GRIP1: variants seen among roughly 807,000 people sequenced by gnomAD.
GRIP1 encodes glutamate receptor interacting protein 1, also known as glutamate receptor-interacting protein 1.
In GRIP1, 45 loss-of-function variants were observed where a neutral mutation model predicts 129.9. The ratio of observed to expected loss-of-function variants is 0.35; its 90% confidence interval spans 0.27 to 0.44. The LOEUF is 0.44. Ranked by LOEUF, GRIP1 falls within the 20% of genes least tolerant of loss-of-function variation. The pLI, the probability that GRIP1 is intolerant of heterozygous loss-of-function variation, is 1.00. For missense variants in GRIP1, 1,196 were observed against 1,396.8 expected (o/e 0.86, Z 2.29); for synonymous variants, 530 against 520.8 (o/e 1.02, Z -0.24).
intron 1 of GRIP1, among the ~76,000 whole-genome samples, chr12:66,865,811 A>G (rs985247702): frequency 2.0e-5 from 3 of 152,234 alleles, no homozygotes; most frequent in African/African-American, 7.2e-5. Context: ...TTTTCTTCCT[A>G]TATTTTTAGA....
chr12:66,668,255 T>C (rs1054486963), intron 1 of GRIP1, among the ~76,000 whole-genome samples: 2 of 152,214 alleles, frequency 1.3e-5, no homozygotes, highest in African/African-American at 4.8e-5. Flanking sequence ...TTTCTGAGTC[T>C]TCATAGCCTG....
At chr12:67,057,542 T>C (rs749136116) in intron 1 of GRIP1, among the ~76,000 whole-genome samples, 4 of 152,018 alleles carry the variant, frequency 2.6e-5, no homozygotes, top group Admixed American at 6.6e-5. Context: ...AGTATGATCA[T>C]TAGGGTCTGG....
chr12:66,899,400 G>C (rs1438918122), intron 1 of GRIP1, among the ~76,000 whole-genome samples: 2 of 151,820 alleles, frequency 1.3e-5, no homozygotes, highest in African/African-American at 2.4e-5. Flanking sequence ...GTCCTGCTCT[G>C]TCACCCAGGC....
chr12:66,816,742 T>A (rs1406678554), intron 1 of GRIP1, among the ~76,000 whole-genome samples: 1 of 152,046 alleles, frequency 6.6e-6, no homozygotes, highest in Non-Finnish European at 1.5e-5. Context: ...TCAATGAAAA[T>A]TTTCTGAATG....
chr12:66,927,258 G>T (rs2137387320), intron 1 of GRIP1, among the ~76,000 whole-genome samples: 1 of 152,110 alleles, frequency 6.6e-6, no homozygotes, highest in East Asian at 1.9e-4. Context: ...AATCATTAAT[G>T]ATTTTGGCTC....
At chr12:67,000,498 T>C (rs1453662107) in intron 1 of GRIP1, among the ~76,000 whole-genome samples, 8 of 152,234 alleles carry the variant, frequency 5.3e-5, no homozygotes, top group Non-Finnish European at 1.2e-4. Context: ...GCCATCCCTT[T>C]GGAGAGCTTT....
At chr12:66,472,059 C>A (rs2059453841) in intron 7 of GRIP1, among the ~76,000 whole-genome samples, 1 of 152,292 alleles carries the variant, frequency 6.6e-6, no homozygotes, top group East Asian at 1.9e-4. Flanking sequence ...TGACTAGGAC[C>A]AGATCCATAT....
Position 66,678,855 on chromosome 12 carries a change from G to A in GRIP1, c.50C>T (p.Thr17Ile). ...KCRCQILRRL[T>I]KDESPYTKSA... The stretch of plus-strand genomic sequence containing the variant: ...TAACAAGGAAAGCACGATACCTTTA[G>A]TAAGTCGCCTCAGAATTTGACAACG... Residue 17 changes from threonine (T) to isoleucine (I), a missense_variant, in exon 1 of 25, where the codon ACT becomes ATT. Transcript: ENST00000359742. The A allele has an allele frequency of 1.2e-6, 2 of 1,613,220 alleles. No homozygotes were observed. Among genetic ancestry groups the A allele is most frequent in the Non-Finnish European group, 1.7e-6 (2 of 1,179,350 alleles).
intron 1 of GRIP1, among the ~76,000 whole-genome samples, chr12:66,600,445 A>T (rs1448906354): frequency 2.6e-5 from 4 of 152,256 alleles, no homozygotes; most frequent in Non-Finnish European, 5.9e-5. Context: ...TTGCTGATAA[A>T]ATATGTGAAT....
At chr12:67,041,655 T>A (rs868027291) in intron 1 of GRIP1, among the ~76,000 whole-genome samples, 1 of 152,214 alleles carries the variant, frequency 6.6e-6, no homozygotes, top group South Asian at 2.1e-4. Flanking sequence ...GACAAGTATG[T>A]CTTGGTATCA....
chr12:66,386,628 C>T (rs775180257), intron 19 of GRIP1, among the ~76,000 whole-genome samples: 14 of 151,656 alleles, frequency 9.2e-5, no homozygotes, highest in Admixed American at 2.6e-4. Flanking sequence ...AGCGAGCCTC[C>T]GTCTCAAAAA....
At chr12:66,902,109 T>C (rs952145738) in intron 1 of GRIP1, among the ~76,000 whole-genome samples, 1 of 152,128 alleles carries the variant, frequency 6.6e-6, no homozygotes, top group Non-Finnish European at 1.5e-5. Context: ...ACTGGGGAAC[T>C]AGTTCTTTAC....
At chr12:66,377,313 A>G in intron 20 of GRIP1, 28 bp from the exon 21 acceptor site, 1 of 1,389,242 alleles carries the variant, frequency 7.2e-7, no homozygotes, top group Non-Finnish European at 1.0e-6. Context: ...AGGCTGGGTT[A>G]GGAACTTGCC....
chr12:66,501,032 C>T (rs939063751), intron 7 of GRIP1, among the ~76,000 whole-genome samples: 7 of 152,292 alleles, frequency 4.6e-5, no homozygotes, highest in Admixed American at 6.5e-5. Flanking sequence ...GTTTCTATCA[C>T]GGTTGTGAAA....
intron 1 of GRIP1, among the ~76,000 whole-genome samples, chr12:67,004,334 C>T (rs990557613): frequency 2.0e-5 from 3 of 152,104 alleles, no homozygotes; most frequent in Admixed American, 6.6e-5. Context: ...ACATTTTTAC[C>T]GGACAGGCCC....
At chr12:66,496,495 T>C (rs1402048737) in intron 7 of GRIP1, among the ~76,000 whole-genome samples, 1 of 152,176 alleles carries the variant, frequency 6.6e-6, no homozygotes, top group East Asian at 1.9e-4. Context: ...ACAGGCCACT[T>C]TGTAGACTGA....
intron 1 of GRIP1, among the ~76,000 whole-genome samples, chr12:66,871,635 A>G (rs1013873101): frequency 4.6e-5 from 7 of 152,102 alleles, no homozygotes; most frequent in Admixed American, 1.3e-4. Context: ...TCAAGATCAT[A>G]CTGGGCCAAG....
At chr12:66,356,485 T>C (rs951241911) in intron 23 of GRIP1, among the ~76,000 whole-genome samples, 1 of 152,210 alleles carries the variant, frequency 6.6e-6, no homozygotes, top group Non-Finnish European at 1.5e-5. Context: ...TTAGGCCAGA[T>C]AGGAGATTTC....
chr12:66,999,408 G>T (rs557295402), intron 1 of GRIP1, among the ~76,000 whole-genome samples: 1 of 152,234 alleles, frequency 6.6e-6, no homozygotes, highest in African/African-American at 2.4e-5. Flanking sequence ...GGTAGAGCCA[G>T]GTTGAAACCC....
Sources: allele counts gnomAD v4.1 joint callset (sites outside exome capture counted in the v4.1 genomes callset), GRCh38; gene constraint gnomAD v4.1.1; transcripts MANE v1.5; gene names NCBI Gene and HGNC (gene_info 2026-07-23, HGNC 2026-07-21).